The following PPP1R37 variants were observed in gnomAD, a reference collection of about 807,000 sequenced individuals.
PPP1R37 encodes leucine rich repeat containing 68.
In PPP1R37, 21 loss-of-function variants were observed where a neutral mutation model predicts 61.0. The ratio of observed to expected loss-of-function variants is 0.34; its 90% CI spans 0.24 to 0.50. PPP1R37 has a LOEUF of 0.50. PPP1R37 is among the 20% of genes least tolerant of loss of function. The pLI is 0.98. For missense variants in PPP1R37, 910 were observed against 952.7 expected (o/e 0.96, Z 0.59); for synonymous variants, 443 against 433.5 (o/e 1.02, Z -0.27).
chr19:45,115,502 G>T (rs1383568755), intron 1 of PPP1R37, among the ~76,000 whole-genome samples: 1 of 152,170 alleles, frequency 6.6e-6, no homozygotes, highest in Non-Finnish European at 1.5e-5. Context: ...TAAGAGTGAG[G>T]ATTGTGGAGC....
Position 45,137,489 on chromosome 19 carries a change from C to CG in PPP1R37, c.203-1021dup, listed in dbSNP as rs568331180. Among the ~76,000 whole-genome samples the CG allele has an allele frequency of 6.0e-4, 91 of 152,290 alleles. No individual in the cohort carries two copies. In the East Asian group the frequency reaches 6.0e-3, roughly 10 times the overall value. On this transcript the variant is annotated intron_variant, in intron 1 of 12. Coordinates refer to ENST00000221462, the MANE Select transcript of PPP1R37 (RefSeq NM_019121.2). ...GTGGCGGCTGTGGCCCTCCAGGGACCGGGGCTGCAGCTGTTGGGTTTGGGC... is the reference window on the plus strand; with the variant it reads ...GTGGCGGCTGTGGCCCTCCAGGGACCGGGGGCTGCAGCTGTTGGGTTTGGGC...
chr19:45,135,170 C>G (rs149073373), intron 1 of PPP1R37, among the ~76,000 whole-genome samples: 1 of 152,290 alleles, frequency 6.6e-6, no homozygotes, highest in African/African-American at 2.4e-5. Context: ...ATCGCTTGAA[C>G]CAGGGAGGTA....
At chr19:45,101,411 C>A (rs1339376399) in intron 1 of PPP1R37, among the ~76,000 whole-genome samples, 2 of 152,092 alleles carry the variant, frequency 1.3e-5, no homozygotes, top group Non-Finnish European at 2.9e-5. Flanking sequence ...GCAGGGAGCC[C>A]CAGAGGGCTT....
chr19:45,093,639 A>C, intron 1 of PPP1R37, 112 bp downstream of exon 1: 1 of 717,672 alleles, frequency 1.4e-6, no homozygotes, highest in Non-Finnish European at 2.3e-6. Flanking sequence ...CTAATGGTGA[A>C]TAAGGGGACA....
At chr19:45,116,136 A>G (rs1402435328) in intron 1 of PPP1R37, among the ~76,000 whole-genome samples, 2 of 152,224 alleles carry the variant, frequency 1.3e-5, no homozygotes, top group East Asian at 3.8e-4. Flanking sequence ...GCATGAGGGA[A>G]GGTGCGCCCA....
chr19:45,142,160 G>A lies in PPP1R37; in HGVS notation c.667G>A (p.Val223Met), dbSNP rs1348814947. 9 of 1,535,306 alleles carry A rather than the reference G, an allele frequency of 5.9e-6. No individual in the cohort carries two copies. Among genetic ancestry groups the A allele is most frequent in the Non-Finnish European group, 7.8e-6 (9 of 1,146,522 alleles). ...RALRIRSSLA[V>M]LHLENASLSG... ...CCTGCGCATCCGCAGCAGCCTGGCA[G>A]TGCTGCACTTGGAGAACGCCAGCCT... is the stretch of plus-strand genomic sequence containing the variant. Residue 223 changes from valine to methionine, a missense_variant, in exon 6 of 13, where the codon GTG (valine) becomes ATG (methionine). Transcript: ENST00000221462.
chr19:45,120,627 A>G (rs2122730315), intron 1 of PPP1R37, among the ~76,000 whole-genome samples: 1 of 151,956 alleles, frequency 6.6e-6, no homozygotes, highest in African/African-American at 2.4e-5. Flanking sequence ...CAAAGGGTAT[A>G]TGCATGTTAC....
At chr19:45,101,154 C>T (rs1012966340) in intron 1 of PPP1R37, among the ~76,000 whole-genome samples, 6 of 152,122 alleles carry the variant, frequency 3.9e-5, no homozygotes, top group African/African-American at 1.4e-4. Context: ...AGGGAGGGTC[C>T]ACAGGGTGTG....
chr19:45,121,515 C>T lies in PPP1R37; in HGVS notation c.203-16999C>T, dbSNP rs1968342189. On this transcript the variant is annotated intron_variant, in intron 1 of 12. Transcript: ENST00000221462. The surrounding 1 kb of genome is among the most constrained non-coding windows in gnomAD (Gnocchi z 4.2). Reference sequence around the variant, plus strand: ...TGGATTCCCTAGGTAGGGAGCTCCCCAAATACAGGAAGAAGGTTAGAGGCA... The same window carrying T: ...TGGATTCCCTAGGTAGGGAGCTCCCTAAATACAGGAAGAAGGTTAGAGGCA... Among the ~76,000 whole-genome samples the T allele has an allele frequency of 6.6e-6, 1 of 152,230 alleles. No homozygotes were observed. The highest frequency in any genetic ancestry group is 6.5e-5 in the Admixed American group (1 of 15,294).
intron 1 of PPP1R37, 96 bp downstream of exon 1, chr19:45,093,623 T>C: frequency 1.1e-6 from 1 of 880,086 alleles, no homozygotes; most frequent in Non-Finnish European, 1.7e-6. Flanking sequence ...GTTCAATAGA[T>C]TGCACCTAAT....
rs1376150011 is a variant in PPP1R37, at chr19:45,146,607, CAG to C, written c.*48_*49del. On this transcript the variant is annotated 3_prime_UTR_variant, in exon 13 of 13. Transcript: ENST00000221462. Reference sequence around the variant, plus strand: ...CGGTCGGTCTGCGATGAGCTGAGGCCAGAGCCATGAGAATCTGCTCACCTTCC... The same window carrying C: ...CGGTCGGTCTGCGATGAGCTGAGGCCAGCCATGAGAATCTGCTCACCTTCC... The C allele has an allele frequency of 1.5e-6, 1 of 671,490 alleles. No homozygotes were observed. Among genetic ancestry groups the C allele is most frequent in the African/African-American group, 1.8e-5 (1 of 55,266 alleles). The allele number at this position is 671,490 out of a possible 1,614,324, so 41.6% of individuals were successfully genotyped here. A position where few individuals can be genotyped will look rare whatever the true frequency, so the allele number is the denominator to read the frequency against.
rs146080358 is a variant in PPP1R37 at position 45,093,202 on chromosome 19, C to G, written c.-124C>G. 603 of 780,410 alleles carry G rather than the reference C, an allele frequency of 7.7e-4. 2 individuals carry two copies. The African/African-American group carries it at 9.3e-3, about 12-fold the overall frequency. The allele number at this position is 780,410 out of a possible 1,614,324, so 48.3% of individuals were successfully genotyped here. ...GCGACGACTACGACCACTAGGAGAGCGGACGGAGGCGGCGCCTGAAGCGGC... is the reference window on the plus strand; with the variant it reads ...GCGACGACTACGACCACTAGGAGAGGGGACGGAGGCGGCGCCTGAAGCGGC... On this transcript the variant is annotated 5_prime_UTR_variant, in exon 1 of 13. Coordinates refer to ENST00000221462, the MANE Select transcript of PPP1R37 (RefSeq NM_019121.2).
rs1599705489 is a variant in PPP1R37, at chr19:45,130,383, G to A, written c.203-8131G>A. On this transcript the variant is annotated intron_variant, in intron 1 of 12. Transcript: ENST00000221462. This position sits in a 1 kb window ranked among gnomAD's most constrained non-coding sequence, Gnocchi z 4.4. The stretch of plus-strand genomic sequence containing the variant: ...GAATGAGAGCGAAGTCCTCACCAGG[G>A]TCCACGGGGTCACCGTCCCACATCA... Among the ~76,000 whole-genome samples, 1 of 152,252 alleles carries A rather than the reference G, an allele frequency of 6.6e-6. No individual in the cohort carries two copies. Among genetic ancestry groups the A allele is most frequent in the Admixed American group, 6.5e-5 (1 of 15,292 alleles).
chr19:45,146,677 T>A lies in PPP1R37; in HGVS notation c.*115T>A. ...CCCAGGATGCCAGGGGTGGGGGCCA[T>A]TCTGGGGCCCCCCTCCCCCCACAGC... is the stretch of plus-strand genomic sequence containing the variant. On this transcript the variant is annotated 3_prime_UTR_variant, in exon 13 of 13. Coordinates refer to ENST00000221462, the MANE Select transcript of PPP1R37 (RefSeq NM_019121.2). The A allele has an allele frequency of 1.9e-6, 1 of 540,478 alleles. No individual in the cohort carries two copies. Among genetic ancestry groups the A allele is most frequent in the Non-Finnish European group, 3.3e-6 (1 of 299,666 alleles). 33.5% of individuals were successfully genotyped at this position (540,478 alleles called of 1,614,324 possible).
chr19:45,120,240 A>C (rs1324175167), intron 1 of PPP1R37, among the ~76,000 whole-genome samples: 2 of 151,970 alleles, frequency 1.3e-5, no homozygotes, highest in African/African-American at 2.4e-5. Flanking sequence ...GATGGTCTCG[A>C]TCTCCTGACC....
chr19:45,105,082 T>C (rs1469792838), intron 1 of PPP1R37, among the ~76,000 whole-genome samples: 3 of 152,192 alleles, frequency 2.0e-5, no homozygotes, highest in Non-Finnish European at 4.4e-5. Flanking sequence ...CCAGACCACG[T>C]GGCACTGGGC....
In PPP1R37 at chr19:45,120,049, A is replaced by C. The variant is rs1375718832; in HGVS notation, c.203-18465A>C. Among the ~76,000 whole-genome samples, 5 of 96,364 alleles carry C rather than the reference A, an allele frequency of 5.2e-5. No homozygotes were observed. In the Admixed American group the frequency reaches 5.5e-4, roughly 11 times the overall value. 63.2% of individuals were successfully genotyped at this position (96,364 alleles called of 152,430 possible). A position where few individuals can be genotyped will look rare whatever the true frequency, so the allele number is the denominator to read the frequency against. ...TTTTTTTTTTTTGAGATGGAGTCTC[A>C]CTCTGTCGCCCAGGCTGGAGTGCAG... On this transcript the variant is annotated intron_variant, in intron 1 of 12. Coordinates refer to ENST00000221462, the MANE Select transcript of PPP1R37 (RefSeq NM_019121.2).
At chr19:45,103,552 G>A (rs1440612322) in intron 1 of PPP1R37, among the ~76,000 whole-genome samples, 1 of 152,078 alleles carries the variant, frequency 6.6e-6, no homozygotes, top group Admixed American at 6.5e-5. Flanking sequence ...AGAACTGCTC[G>A]CGTCCTGTGC....
chr19:45,145,881 G>T lies in PPP1R37; in HGVS notation c.1825G>T (p.Ala609Ser). The change falls in exon 11 of 13, where the codon GCC becomes TCC. Residue 609 changes from alanine to serine, a missense_variant. Ala to Ser is a moderately conservative substitution (Grantham distance 99). Transcript: ENST00000221462. ...CTCACCTTCCCTACCACCAGCCGGG[G>T]CCATTGACACCCGGGACACAGGGTC... ...PASPSLPPAG[A>S]IDTRDTGSSE... 1 of 1,461,124 alleles carries T rather than the reference G, an allele frequency of 6.8e-7. No individual in the cohort carries two copies. The highest frequency in any genetic ancestry group is 9.1e-7 in the Non-Finnish European group (1 of 1,102,004). The allele number at this position is 1,461,124 out of a possible 1,614,324, so 90.5% of individuals were successfully genotyped here.
Sources: allele counts gnomAD v4.1 joint callset (sites outside exome capture counted in the v4.1 genomes callset), GRCh38; gene constraint gnomAD v4.1.1; non-coding constraint Gnocchi (gnomAD v3.1); transcripts MANE v1.5; gene names NCBI Gene and HGNC (gene_info 2026-07-23, HGNC 2026-07-21).